Variants in ERBB4 observed in about 807,000 individuals in gnomAD.
ERBB4 encodes the protein erb-b2 receptor tyrosine kinase 4.
ERBB4 carries 42 observed loss-of-function variants against 158.0 expected under a neutral mutation model. The ratio of observed to expected loss-of-function variants is 0.27; its 90% CI spans 0.21 to 0.34. ERBB4 has a LOEUF of 0.34. Ranked by LOEUF, ERBB4 falls within the 10% of genes least tolerant of loss-of-function variation. ERBB4 has a pLI of 1.00. For missense variants in ERBB4, 1,333 were observed against 1,624.1 expected (o/e 0.82, Z 3.08); for synonymous variants, 583 against 558.7 (o/e 1.04, Z -0.61).
intron 1 of ERBB4, among the ~76,000 whole-genome samples, chr2:212,498,859 T>C (rs1034288936): frequency 2.6e-5 from 4 of 151,938 alleles, no homozygotes; most frequent in African/African-American, 7.2e-5. Context: ...GGGCAGTACA[T>C]CTCTAAACTA....
chr2:212,538,549 C>A lies in ERBB4; in HGVS notation c.-19G>T, dbSNP rs771154677. 2 of 1,610,212 alleles carry A rather than the reference C, an allele frequency of 1.2e-6. No homozygotes were observed. The highest frequency in any genetic ancestry group is 3.3e-5 in the Admixed American group (2 of 60,032). ...GCTTCATTTTTTGGAAGTCTCAGATCCCGTGCTGACAATTACATGTCCAAA... is the reference window on the plus strand; with the variant it reads ...GCTTCATTTTTTGGAAGTCTCAGATACCGTGCTGACAATTACATGTCCAAA... On this transcript the variant is annotated 5_prime_UTR_variant, in exon 1 of 28. Coordinates refer to ENST00000342788, the MANE Select transcript of ERBB4 (RefSeq NM_005235.3).
chr2:212,302,603 T>C (rs966179874), intron 1 of ERBB4, among the ~76,000 whole-genome samples: 1 of 151,566 alleles, frequency 6.6e-6, no homozygotes, highest in African/African-American at 2.4e-5. Context: ...TCACCTTCTC[T>C]ATTTTTATTA....
In ERBB4 at chr2:212,226,889, G is replaced by T. The variant is rs1371684486; in HGVS notation, c.83-101986C>A. Among the ~76,000 whole-genome samples the T allele has an allele frequency of 2.0e-5, 3 of 152,098 alleles. No individual in the cohort carries two copies. In the East Asian group the frequency reaches 5.8e-4, roughly 29 times the overall value. On this transcript the variant is annotated intron_variant, in intron 1 of 27. Transcript: ENST00000342788. ...ATCATATACCTCCTTTAAGCTATTTGTGGATTTCCATTAATATGAGGGAAC... is the reference window on the plus strand; with the variant it reads ...ATCATATACCTCCTTTAAGCTATTTTTGGATTTCCATTAATATGAGGGAAC...
At position 211,464,621 on chromosome 2, in the gene ERBB4, G is replaced by A. The variant is rs2064626844; in HGVS notation, c.2488-33521C>T. Among the ~76,000 whole-genome samples, 3 of 152,134 alleles carry A rather than the reference G, an allele frequency of 2.0e-5. No individual in the cohort carries two copies. The South Asian group carries it at 6.2e-4, about 32-fold the overall frequency. ...TACGTCACTAATCTCACTAATGCATGTTCTACAACTATAAAAAGGTAATAA... is the reference window on the plus strand; with the variant it reads ...TACGTCACTAATCTCACTAATGCATATTCTACAACTATAAAAAGGTAATAA... On this transcript the variant is annotated intron_variant, in intron 20 of 27. Coordinates refer to ENST00000342788, the MANE Select transcript of ERBB4 (RefSeq NM_005235.3).
intron 3 of ERBB4, among the ~76,000 whole-genome samples, chr2:211,885,822 A>T (rs1454690598): frequency 6.6e-6 from 1 of 152,154 alleles, no homozygotes; most frequent in Non-Finnish European, 1.5e-5. Flanking sequence ...AAGCAATATC[A>T]GTTTAAGAAT....
chr2:212,013,348 C>T (rs1488146774), intron 2 of ERBB4, among the ~76,000 whole-genome samples: 1 of 152,142 alleles, frequency 6.6e-6, no homozygotes, highest in Admixed American at 6.5e-5. Flanking sequence ...ATTAGTCTAG[C>T]TCCAGAAATA....
In ERBB4 at chr2:212,196,616, G is replaced by T. The variant is rs373154266; in HGVS notation, c.83-71713C>A. ...TGCAATATAATTATATATTGTACAG[G>T]AGGTAAGGAAAGAAGCAGAAATCTC... On this transcript the variant is annotated intron_variant, in intron 1 of 27. Coordinates refer to ENST00000342788, the MANE Select transcript of ERBB4 (RefSeq NM_005235.3). 3.7e-4 allele frequency among the ~76,000 whole-genome samples: 57 copies of T among 152,208 alleles called. 3 individuals are homozygous for T. Among genetic ancestry groups the T allele is most frequent in the Middle Eastern group, 6.8e-3 (2 of 292 alleles).
intron 21 of ERBB4, among the ~76,000 whole-genome samples, chr2:211,428,812 G>C (rs565734408): frequency 6.6e-6 from 1 of 152,032 alleles, no homozygotes; most frequent in Non-Finnish European, 1.5e-5. Flanking sequence ...CTGCCTACCA[G>C]GCTCAAGTGA....
At chr2:212,460,224 GTCA>G (rs1688502799) in intron 1 of ERBB4, among the ~76,000 whole-genome samples, 1 of 152,134 alleles carries the variant, frequency 6.6e-6, no homozygotes, top group Admixed American at 6.6e-5. Context: ...ATTGCCCAGT[GTCA>G]GGTATGTCTT....
intron 3 of ERBB4, among the ~76,000 whole-genome samples, chr2:211,902,895 A>C (rs890823437): frequency 6.6e-6 from 1 of 152,002 alleles, no homozygotes; most frequent in Non-Finnish European, 1.5e-5. Context: ...CCATTTTACT[A>C]TTTAATATAT....
chr2:211,654,143 G>A (rs1257016688), intron 16 of ERBB4, among the ~76,000 whole-genome samples: 1 of 152,146 alleles, frequency 6.6e-6, no homozygotes, highest in African/African-American at 2.4e-5. Context: ...GTAAGCATTT[G>A]TTGCAATACT....
chr2:211,723,025 T>C (rs2074153680), intron 6 of ERBB4, among the ~76,000 whole-genome samples: 1 of 152,230 alleles, frequency 6.6e-6, no homozygotes, highest in Non-Finnish European at 1.5e-5. Context: ...GAAAAGGCTC[T>C]GGCTGGTGAC....
intron 2 of ERBB4, among the ~76,000 whole-genome samples, chr2:212,028,124 C>T (rs1050800919): frequency 6.6e-6 from 1 of 151,904 alleles, no homozygotes; most frequent in Non-Finnish European, 1.5e-5. Context: ...ATAGCAATGC[C>T]CCTGATTTTT....
chr2:212,178,371 C>T (rs1210887325), intron 1 of ERBB4, among the ~76,000 whole-genome samples: 1 of 151,434 alleles, frequency 6.6e-6, no homozygotes, highest in Non-Finnish European at 1.5e-5. Context: ...TGATGATGCC[C>T]TAAAAATGAG....
At chr2:212,131,137 G>A (rs1217057964) in intron 1 of ERBB4, among the ~76,000 whole-genome samples, 1 of 152,102 alleles carries the variant, frequency 6.6e-6, no homozygotes, top group African/African-American at 2.4e-5. Context: ...TTATCTCTAT[G>A]TTCAAAATAC....
At chr2:211,700,717 G>C (rs1320455769) in intron 12 of ERBB4, among the ~76,000 whole-genome samples, 1 of 151,552 alleles carries the variant, frequency 6.6e-6, no homozygotes, top group Non-Finnish European at 1.5e-5. Context: ...ACACACACAC[G>C]CACACACTCA....
intron 20 of ERBB4, among the ~76,000 whole-genome samples, chr2:211,431,391 C>T (rs2063745867): frequency 6.6e-6 from 1 of 152,120 alleles, no homozygotes; most frequent in African/African-American, 2.4e-5. Context: ...CAAACTCTTT[C>T]TTTAGTGAGG....
chr2:211,968,897 G>A (rs2579977), intron 2 of ERBB4, among the ~76,000 whole-genome samples: 151,198 of 152,118 alleles, frequency 0.99, 75,152 homozygotes, highest in Middle Eastern at 1. Flanking sequence ...TTTGCAAAAG[G>A]AATATCATTA....
chr2:211,462,569 T>A lies in ERBB4; in HGVS notation c.2488-31469A>T, dbSNP rs181998621. Among the ~76,000 whole-genome samples, 8 of 152,204 alleles carry A rather than the reference T, an allele frequency of 5.3e-5. No individual in the cohort carries two copies. In the East Asian group the frequency reaches 1.5e-3, roughly 29 times the overall value. ...CCAGAAGGTGAAGGAAGAAAAGGGT[T>A]TTTTAAGGAAATGATTTGTACCCCA... On this transcript the variant is annotated intron_variant, in intron 20 of 27. Coordinates refer to ENST00000342788, the MANE Select transcript of ERBB4 (RefSeq NM_005235.3).
Sources: allele counts gnomAD v4.1 joint callset (sites outside exome capture counted in the v4.1 genomes callset), GRCh38; gene constraint gnomAD v4.1.1; transcripts MANE v1.5; gene names NCBI Gene and HGNC (gene_info 2026-07-23, HGNC 2026-07-21).